Variants in ABCA4 observed in about 807,000 individuals in gnomAD.
ABCA4 encodes ATP binding cassette subfamily A member 4.
In ABCA4, 196 loss-of-function variants were observed where a neutral mutation model predicts 263.7. The ratio of observed to expected loss-of-function variants is 0.74; its 90% confidence interval spans 0.66 to 0.84. ABCA4 has a LOEUF of 0.84. ABCA4 is among the 40% of genes least tolerant of loss of function. The pLI, the probability that ABCA4 is intolerant of heterozygous loss-of-function variation, is 0.00. For synonymous variants in ABCA4, 1,133 were observed against 1,094.2 expected (o/e 1.04, Z -0.70); for missense variants, 2,792 against 2,855.1 (o/e 0.98, Z 0.50).
At chr1:94,034,733 C>G (rs900808471) in intron 26 of ABCA4, among the ~76,000 whole-genome samples, 1 of 151,728 alleles carries the variant, frequency 6.6e-6, no homozygotes, top group African/African-American at 2.4e-5. Context: ...GAGCTCAGTT[C>G]CCCCCAGATG....
intron 11 of ABCA4, among the ~76,000 whole-genome samples, chr1:94,071,876 A>G (rs191887733): frequency 6.6e-6 from 1 of 152,178 alleles, no homozygotes; most frequent in Non-Finnish European, 1.5e-5. Context: ...TGTTTGTGTG[A>G]TGCAGACTTC....
chr1:94,018,635 T>G, intron 36 of ABCA4: 1 of 454,234 alleles, frequency 2.2e-6, no homozygotes, highest in South Asian at 1.6e-5. Flanking sequence ...AGTTGGTATA[T>G]CTTATCATCA....
At chr1:94,018,268 TA>T (rs368290820) in intron 36 of ABCA4, among the ~76,000 whole-genome samples, 32 of 152,310 alleles carry the variant, frequency 2.1e-4, no homozygotes, top group African/African-American at 6.3e-4. Flanking sequence ...TCTTATCTTT[TA>T]AAAAAAGTAA....
Position 94,033,702 on chromosome 1 carries a change from T to A in ABCA4, c.3863-1659A>T, listed in dbSNP as rs192075198. On this transcript the variant is annotated intron_variant, in intron 26 of 49. Coordinates refer to ENST00000370225, the MANE Select transcript of ABCA4 (RefSeq NM_000350.3). ...AAAGGGAATTGGATCAGCTCAGTCA[T>A]CCTTTCAACTACATTTACCTATGAC... Among the ~76,000 whole-genome samples the A allele has an allele frequency of 2.1e-3, 313 of 152,118 alleles. 3 individuals are homozygous for A. Among genetic ancestry groups the A allele is most frequent in the African/African-American group, 7.3e-3 (305 of 41,510 alleles).
At chr1:94,099,039 A>G (rs781366623) in intron 5 of ABCA4, 48 bp from the exon 6 acceptor site, 10 of 1,565,314 alleles carry the variant, frequency 6.4e-6, no homozygotes, top group African/African-American at 1.4e-5. Flanking sequence ...GGTAGGAAAG[A>G]CACCCACGTC....
chr1:94,055,438 G>A (rs1022944604), intron 15 of ABCA4, 123 bp from the exon 16 acceptor site: 4 of 917,824 alleles, frequency 4.4e-6, no homozygotes, highest in Non-Finnish European at 6.8e-6. Flanking sequence ...CTCAGTGTAA[G>A]GTCAGCTCAG....
intron 1 of ABCA4, among the ~76,000 whole-genome samples, chr1:94,114,678 G>A (rs991739062): frequency 2.6e-5 from 4 of 152,040 alleles, no homozygotes; most frequent in Non-Finnish European, 5.9e-5. Context: ...TAGTAGAGAC[G>A]GGGTTTCACC....
chr1:94,013,012 G>C (rs1659595833), intron 38 of ABCA4, among the ~76,000 whole-genome samples: 1 of 150,292 alleles, frequency 6.7e-6, no homozygotes, highest in Admixed American at 6.6e-5. Flanking sequence ...CCAGGTTTTT[G>C]AAGGCGGGTG....
Position 94,056,820 on chromosome 1 carries a change from A to G in ABCA4, c.2163T>C (p.His721=). The G allele has an allele frequency of 6.3e-7, 1 of 1,598,764 alleles. No homozygotes were observed. The highest frequency in any genetic ancestry group is 8.5e-7 in the Non-Finnish European group (1 of 1,172,228). The part of the protein sequence containing the change: ...SIFLLTIFIM[H]GRILHYSDPF... ...GGTCGCTGTAATGTAGGATTCTTCC[A>G]TGCTGAAACCAAGAGGCCATGCGTC... Residue 721 remains histidine, a splice_region_variant and synonymous_variant, in exon 15 of 50, where the codon CAT becomes CAC. Coordinates refer to ENST00000370225, the MANE Select transcript of ABCA4 (RefSeq NM_000350.3).
intron 6 of ABCA4, among the ~76,000 whole-genome samples, chr1:94,096,508 G>C (rs1662127072): frequency 6.6e-6 from 1 of 152,210 alleles, no homozygotes; most frequent in African/African-American, 2.4e-5. Flanking sequence ...CAGAAACCGA[G>C]AAAGCAAGCC....
intron 36 of ABCA4, among the ~76,000 whole-genome samples, chr1:94,019,019 G>GTTTTTTTTTTTTTTTT (rs757258025): frequency 1.3e-5 from 1 of 76,436 alleles, no homozygotes; most frequent in African/African-American, 6.2e-5. Flanking sequence ...AAACAACCAG[G>GTTTTTTTTTTTTTTTT]TTTTTTTTTT....
At chr1:94,102,801 G>T (rs967313296) in intron 5 of ABCA4, among the ~76,000 whole-genome samples, 5 of 152,274 alleles carry the variant, frequency 3.3e-5, no homozygotes, top group African/African-American at 7.2e-5. Flanking sequence ...ATGTTTTAAG[G>T]TCACCAGGAT....
At chr1:94,019,433 C>T in intron 36 of ABCA4, 149 bp downstream of exon 36, 2 of 843,606 alleles carry the variant, frequency 2.4e-6, no homozygotes, top group Non-Finnish European at 3.7e-6. Flanking sequence ...TGTCAAGGGA[C>T]AGCAGATACA....
chr1:94,060,384 A>G (rs1239150136), intron 14 of ABCA4, among the ~76,000 whole-genome samples, 153 bp downstream of exon 14: 3 of 152,106 alleles, frequency 2.0e-5, no homozygotes, highest in Non-Finnish European at 4.4e-5. Context: ...CGTCTCTTTG[A>G]GTGTCTCCCA....
chr1:94,064,896 T>C (rs1457689679), intron 11 of ABCA4, among the ~76,000 whole-genome samples: 1 of 151,998 alleles, frequency 6.6e-6, no homozygotes, highest in East Asian at 1.9e-4. Flanking sequence ...AGCTGGGATA[T>C]CACCTATGGG....
intron 1 of ABCA4, 93 bp downstream of exon 1, chr1:94,120,887 G>GGGCCCCCCCCC: frequency 5.9e-6 from 2 of 339,360 alleles, no homozygotes; most frequent in African/African-American, 3.4e-5. Context: ...CCCCCACCCT[G>GGGCCCCCCCCC]CCCCACCACC....
intron 26 of ABCA4, among the ~76,000 whole-genome samples, chr1:94,035,806 T>C (rs1316196159): frequency 6.6e-6 from 1 of 152,048 alleles, no homozygotes; most frequent in Admixed American, 6.5e-5. Context: ...CACATCTATC[T>C]CCCCACCCTC....
At position 94,044,592 on chromosome 1, in the gene ABCA4, C is replaced by G. The variant is rs55883203; in HGVS notation, c.3050+21G>C. The G allele has an allele frequency of 1.6e-4, 266 of 1,614,182 alleles. 1 individual carries two copies. In the Middle Eastern group the frequency reaches 1.7e-3, roughly 10 times the overall value. On this transcript the variant is annotated intron_variant, in intron 20 of 49. Transcript: ENST00000370225. ...AGGTGAGGAGAGGGGATGGGGCGGT[C>G]TCAGTTCCTGTGTCGCTTACTGGTG...
intron 18 of ABCA4, among the ~76,000 whole-genome samples, chr1:94,047,607 C>T (rs560530789): frequency 6.6e-6 from 1 of 152,298 alleles, no homozygotes; most frequent in East Asian, 1.9e-4. Flanking sequence ...TTCATCTTCC[C>T]AAAACAACAT....
Sources: gnomAD v4.1 joint callset for allele counts (sites outside exome capture counted in the v4.1 genomes callset) on GRCh38, gnomAD v4.1.1 for gene constraint, MANE v1.5 for transcripts, NCBI Gene and HGNC (gene_info 2026-07-23, HGNC 2026-07-21) for gene names.